Variants in TLL1 observed in about 807,000 individuals in gnomAD.
TLL1 encodes tolloid like 1, also known as tolloid-like protein 1.
In TLL1, 49 loss-of-function variants were observed where a neutral mutation model predicts 128.2. The observed-to-expected ratio is 0.38, with a 90% CI of 0.30 to 0.48. The LOEUF is 0.48. Ranked by LOEUF, TLL1 falls within the 20% of genes least tolerant of loss-of-function variation. TLL1 has a pLI of 0.96. For missense variants in TLL1, 1,123 were observed against 1,242.0 expected (o/e 0.90, Z 1.44); for synonymous variants, 454 against 418.8 (o/e 1.08, Z -1.03).
At chr4:165,886,602 ACTAGTC>A (rs1731172284) in intron 1 of TLL1, among the ~76,000 whole-genome samples, 1 of 152,190 alleles carries the variant, frequency 6.6e-6, no homozygotes, top group Non-Finnish European at 1.5e-5. Flanking sequence ...CTGAGAATGC[ACTAGTC>A]CTATATATAA....
rs1409893396 is a variant in TLL1, at chr4:165,994,897, C to T, written c.515-164C>T. ...GCCCTCTGATTATAAAGTGAGTGTC[C>T]GTTCTTAACAATGACTCATTTGTGG... On this transcript the variant is annotated intron_variant, in intron 4 of 20. Transcript: ENST00000061240. Among the ~76,000 whole-genome samples the T allele has an allele frequency of 2.6e-5, 4 of 152,024 alleles. No individual in the cohort carries two copies. In the South Asian group the frequency reaches 6.2e-4, roughly 24 times the overall value.
At chr4:166,063,136 A>G (rs1740411710) in intron 15 of TLL1, among the ~76,000 whole-genome samples, 1 of 152,198 alleles carries the variant, frequency 6.6e-6, no homozygotes, top group South Asian at 2.1e-4. Flanking sequence ...ACTTAAACAA[A>G]TTTACAAGAA....
At chr4:166,071,624 T>A (rs1455759646) in intron 16 of TLL1, among the ~76,000 whole-genome samples, 1 of 152,000 alleles carries the variant, frequency 6.6e-6, no homozygotes, top group Non-Finnish European at 1.5e-5. Flanking sequence ...TAAATGTCTC[T>A]CCTTCTCCCT....
intron 9 of TLL1, among the ~76,000 whole-genome samples, chr4:166,037,693 A>G (rs1739064103): frequency 6.6e-6 from 1 of 152,048 alleles, no homozygotes; most frequent in Non-Finnish European, 1.5e-5. Context: ...CTGTAATCCC[A>G]GCTACTCAGG....
At chr4:165,891,483 G>C (rs1284276715) in intron 1 of TLL1, among the ~76,000 whole-genome samples, 2 of 152,128 alleles carry the variant, frequency 1.3e-5, no homozygotes, top group Non-Finnish European at 2.9e-5. Context: ...GTCACTTCTT[G>C]AATGCTTTGC....
chr4:166,100,925 G>A lies in TLL1; in HGVS notation c.*49G>A, dbSNP rs1742259024. The A allele has an allele frequency of 1.2e-6, 2 of 1,603,030 alleles. No homozygotes were observed. The highest frequency in any genetic ancestry group is 1.7e-6 in the Non-Finnish European group (2 of 1,174,374). On this transcript the variant is annotated 3_prime_UTR_variant, in exon 21 of 21. Transcript: ENST00000061240. The stretch of plus-strand genomic sequence containing the variant: ...AAAGGAATGTGCATAATGGAGAGAA[G>A]ACATATTTTTTTTAAAACTGAAGAT...
intron 9 of TLL1, among the ~76,000 whole-genome samples, chr4:166,037,851 C>CA (rs1266197241): frequency 6.6e-6 from 1 of 151,844 alleles, no homozygotes; most frequent in Non-Finnish European, 1.5e-5. Flanking sequence ...TAATGTACTA[C>CA]ATTTTTAAAA....
Position 166,043,341 on chromosome 4 carries a change from T to C in TLL1, c.1446T>C (p.Tyr482=), listed in dbSNP as rs1203693880. The change falls in exon 12 of 21, where the codon TAT becomes TAC. Residue 482 remains tyrosine, a synonymous_variant. Transcript: ENST00000061240. ...AGTCTCCCAATTATCCTGATGACTA[T>C]CGCCCGATGAAAGAATGTGTGTGGA... is the stretch of plus-strand genomic sequence containing the variant. ...QIQSPNYPDD[Y]RPMKECVWKI... is the part of the protein sequence containing the mutation. The C allele has an allele frequency of 6.2e-7, 1 of 1,614,142 alleles. No individual in the cohort carries two copies. Among genetic ancestry groups the C allele is most frequent in the East Asian group, 2.2e-5 (1 of 44,860 alleles).
At position 166,101,105 on chromosome 4, in the gene TLL1, A is replaced by C. The variant is rs1223118459; in HGVS notation, c.*229A>C. ...TTGATGGTATTAATAAAGCTGGTGAAAGGGCATCATATACTTCAAGGAAGA... is the reference window on the plus strand; with the variant it reads ...TTGATGGTATTAATAAAGCTGGTGACAGGGCATCATATACTTCAAGGAAGA... On this transcript the variant is annotated 3_prime_UTR_variant, in exon 21 of 21. Coordinates refer to ENST00000061240, the MANE Select transcript of TLL1 (RefSeq NM_012464.5). 3 of 511,826 alleles carry C rather than the reference A, an allele frequency of 5.9e-6. No homozygotes were observed. The highest frequency in any genetic ancestry group is 1.0e-5 in the Non-Finnish European group (3 of 287,754). 31.7% of individuals were successfully genotyped at this position (511,826 alleles called of 1,614,324 possible).
chr4:165,997,890 G>A (rs1234243940), intron 5 of TLL1, among the ~76,000 whole-genome samples: 1 of 152,074 alleles, frequency 6.6e-6, no homozygotes, highest in African/African-American at 2.4e-5. Flanking sequence ...TCTTCAGTGG[G>A]ACATATGCTT....
chr4:165,993,151 T>A (rs1269375934), intron 3 of TLL1, among the ~76,000 whole-genome samples: 1 of 152,052 alleles, frequency 6.6e-6, no homozygotes, highest in Non-Finnish European at 1.5e-5. Context: ...GATACTTATT[T>A]CCAGGCAATT....
chr4:165,880,153 C>T (rs1051738451), intron 1 of TLL1, among the ~76,000 whole-genome samples: 1 of 152,066 alleles, frequency 6.6e-6, no homozygotes, highest in Non-Finnish European at 1.5e-5. Context: ...GAATCCCTTG[C>T]TTATTTATTT....
At position 165,885,508 on chromosome 4, in the gene TLL1, A is replaced by T. The variant is rs552306593; in HGVS notation, c.169+11435A>T. Among the ~76,000 whole-genome samples, 3 of 152,144 alleles carry T rather than the reference A, an allele frequency of 2.0e-5. No homozygotes were observed. In the South Asian group the frequency reaches 6.2e-4, roughly 32 times the overall value. ...CTGAAGTAGGCCATGCAATTTCATG[A>T]CTTGTCTGCCAGAATTAGCCCCGAA... On this transcript the variant is annotated intron_variant, in intron 1 of 20. Coordinates refer to ENST00000061240, the MANE Select transcript of TLL1 (RefSeq NM_012464.5).
At chr4:165,972,316 A>G (rs1735664736) in intron 1 of TLL1, among the ~76,000 whole-genome samples, 1 of 152,206 alleles carries the variant, frequency 6.6e-6, no homozygotes, top group Admixed American at 6.5e-5. Context: ...AAATGCCTGT[A>G]TATGGTTATC....
intron 1 of TLL1, among the ~76,000 whole-genome samples, chr4:165,984,674 C>T (rs1736319621): frequency 6.6e-6 from 1 of 151,954 alleles, no homozygotes; most frequent in African/African-American, 2.4e-5. Flanking sequence ...TGAGCTATCT[C>T]TTCCAATCCC....
chr4:165,991,611 T>C (rs981167444), intron 2 of TLL1, among the ~76,000 whole-genome samples: 1 of 152,046 alleles, frequency 6.6e-6, no homozygotes, highest in Non-Finnish European at 1.5e-5. Context: ...ATTTGCCTTA[T>C]AAGGACTTAT....
intron 1 of TLL1, among the ~76,000 whole-genome samples, chr4:165,926,124 A>G (rs992660218): frequency 2.6e-5 from 4 of 152,188 alleles, no homozygotes; most frequent in African/African-American, 7.2e-5. Context: ...GTATGCCTGT[A>G]TAAGAATTGT....
intron 8 of TLL1, 87 bp downstream of exon 8, chr4:166,014,647 T>C (rs1422244365): frequency 1.3e-6 from 2 of 1,585,630 alleles, no homozygotes; most frequent in Admixed American, 3.4e-5. Context: ...AACTGTTTGT[T>C]TGTCTCCCTC....
chr4:165,883,011 A>G (rs1731026686), intron 1 of TLL1, among the ~76,000 whole-genome samples: 1 of 152,090 alleles, frequency 6.6e-6, no homozygotes, highest in Admixed American at 6.5e-5. Flanking sequence ...GAGTTAACGC[A>G]CAGAAAGAAG....
Sources: gnomAD v4.1 joint callset for allele counts (sites outside exome capture counted in the v4.1 genomes callset) on GRCh38, gnomAD v4.1.1 for gene constraint, MANE v1.5 for transcripts, NCBI Gene and HGNC (gene_info 2026-07-23, HGNC 2026-07-21) for gene names.